Variants in CKAP5 observed in about 807,000 individuals in gnomAD.
CKAP5 encodes cytoskeleton-associated protein 5.
Under a neutral mutation model 232.8 loss-of-function variants are expected in CKAP5, and 27 were observed. The observed-to-expected ratio is 0.12, with a 90% CI of 0.09 to 0.16. CKAP5 has a LOEUF of 0.16. CKAP5 is among the 10% of genes least tolerant of loss of function. CKAP5 has a pLI of 1.00. For synonymous variants in CKAP5, 785 were observed against 841.1 expected (o/e 0.93, Z 1.16); for missense variants, 1,838 against 2,424.7 (o/e 0.76, Z 5.08).
chr11:46,832,574 T>C (rs1208561709), intron 1 of CKAP5, among the ~76,000 whole-genome samples: 3 of 152,322 alleles, frequency 2.0e-5, no homozygotes, highest in East Asian at 1.9e-4. Flanking sequence ...CATCTTCATG[T>C]TGCTCCCTAT....
At chr11:46,754,632 A>T (rs2065096727) in intron 36 of CKAP5, among the ~76,000 whole-genome samples, 2 of 152,360 alleles carry the variant, frequency 1.3e-5, no homozygotes, top group Admixed American at 1.3e-4. Flanking sequence ...GCTATGGCCT[A>T]CCATGCCTGA....
chr11:46,842,695 C>T (rs1940083713), intron 1 of CKAP5, among the ~76,000 whole-genome samples: 1 of 152,074 alleles, frequency 6.6e-6, no homozygotes, highest in South Asian at 2.1e-4. Flanking sequence ...AGGCCGGGCG[C>T]GGTGGCTCAC....
chr11:46,781,583 A>G (rs2065342314), intron 18 of CKAP5, among the ~76,000 whole-genome samples: 1 of 152,124 alleles, frequency 6.6e-6, no homozygotes, highest in African/African-American at 2.4e-5. Context: ...ACTCCTTGCT[A>G]TTTTAAATAC....
intron 1 of CKAP5, among the ~76,000 whole-genome samples, chr11:46,838,968 T>C (rs773483060): frequency 6.6e-6 from 1 of 152,166 alleles, no homozygotes; most frequent in Non-Finnish European, 1.5e-5. Flanking sequence ...TGGCCAATTT[T>C]GTTCAACAAA....
chr11:46,777,935 T>G (rs898440184), intron 22 of CKAP5, among the ~76,000 whole-genome samples: 3 of 152,308 alleles, frequency 2.0e-5, no homozygotes, highest in Admixed American at 1.3e-4. Flanking sequence ...AAAAGCAAAT[T>G]CTGAGACTCA....
intron 32 of CKAP5, among the ~76,000 whole-genome samples, chr11:46,761,428 T>C (rs2065154311): frequency 6.6e-6 from 1 of 152,140 alleles, no homozygotes; most frequent in Non-Finnish European, 1.5e-5. Context: ...TGCTTTATAT[T>C]CTTCACTGGG....
At chr11:46,772,965 C>G (rs1381195927) in intron 24 of CKAP5, among the ~76,000 whole-genome samples, 1 of 152,152 alleles carries the variant, frequency 6.6e-6, no homozygotes, top group Non-Finnish European at 1.5e-5. Context: ...TGGTCTCGAT[C>G]TCTTGACCTC....
chr11:46,813,480 A>G (rs1243282051), intron 4 of CKAP5, among the ~76,000 whole-genome samples: 2 of 152,172 alleles, frequency 1.3e-5, no homozygotes, highest in African/African-American at 4.8e-5. Context: ...TTTTGATACT[A>G]AACGTATTAC....
chr11:46,835,071 C>T (rs778177633), intron 1 of CKAP5, among the ~76,000 whole-genome samples: 9 of 151,900 alleles, frequency 5.9e-5, no homozygotes, highest in Non-Finnish European at 8.8e-5. Context: ...CAAGCTAACA[C>T]TTCTAGTTAT....
intron 42 of CKAP5, among the ~76,000 whole-genome samples, chr11:46,746,942 C>T (rs1432848010): frequency 6.6e-6 from 1 of 152,128 alleles, no homozygotes; most frequent in African/African-American, 2.4e-5. Flanking sequence ...TCAAGACCAG[C>T]TGGGGCAACA....
At position 46,778,487 on chromosome 11, in the gene CKAP5, A is replaced by G. The variant is rs2065309795; in HGVS notation, c.2546T>C (p.Val849Ala). The G allele has an allele frequency of 3.7e-6, 6 of 1,614,126 alleles. No homozygotes were observed. The highest frequency in any genetic ancestry group is 1.6e-4 in the Middle Eastern group (1 of 6,062). ...DEPDDGSNDV[V>A]DLLPRTEISD... ...GATCTCCGTCCTCGGCAAAAGATCAACGACATCATTGCTCCCGTCATCTGG... is the reference window on the plus strand; with the variant it reads ...GATCTCCGTCCTCGGCAAAAGATCAGCGACATCATTGCTCCCGTCATCTGG... The change falls in exon 21 of 44, where the codon GTT becomes GCT. Residue 849 changes from valine (V) to alanine (A), a missense_variant. By Grantham distance (64) the Val-to-Ala change is moderately conservative. Transcript: ENST00000529230.
chr11:46,804,489 A>G (rs1247086081), intron 8 of CKAP5, among the ~76,000 whole-genome samples: 1 of 152,226 alleles, frequency 6.6e-6, no homozygotes, highest in African/African-American at 2.4e-5. Context: ...CATAATCTCA[A>G]TATAATTTAA....
chr11:46,781,785 C>T (rs1402602298), intron 18 of CKAP5, among the ~76,000 whole-genome samples: 3 of 152,010 alleles, frequency 2.0e-5, no homozygotes, highest in African/African-American at 4.8e-5. Flanking sequence ...TCCATTTAAC[C>T]CTTCATCCTG....
At position 46,777,501 on chromosome 11, in the gene CKAP5, T is replaced by C. The variant is rs761078699; in HGVS notation, c.2800A>G (p.Asn934Asp). The C allele has an allele frequency of 9.9e-6, 16 of 1,613,990 alleles. No homozygotes were observed. Among genetic ancestry groups the C allele is most frequent in the Non-Finnish European group, 1.3e-5 (15 of 1,179,886 alleles). ...AAATTTTTTACATGTTGCTTAATATTTGGGCCCATGGCTACTGCCAGTTGT... is the reference window on the plus strand; with the variant it reads ...AAATTTTTTACATGTTGCTTAATATCTGGGCCCATGGCTACTGCCAGTTGT... Reference protein sequence around the residue: ...LQQLAVAMGPNIKQHVKNLGI... With the variant: ...LQQLAVAMGPDIKQHVKNLGI... The change falls in exon 23 of 44, where the codon AAT becomes GAT. Residue 934 changes from asparagine (N) to aspartate (D), a missense_variant. Asn to Asp is a conservative substitution (Grantham distance 23). Transcript: ENST00000529230.
intron 1 of CKAP5, among the ~76,000 whole-genome samples, chr11:46,831,861 CTTTTTTT>C (rs71042624): frequency 8.4e-6 from 1 of 119,056 alleles, no homozygotes; most frequent in Non-Finnish European, 1.6e-5. Flanking sequence ...TAAACTTATC[CTTTTTTT>C]TTTTTTTTTT....
At chr11:46,807,045 T>C (rs1939171658) in intron 8 of CKAP5, among the ~76,000 whole-genome samples, 1 of 152,220 alleles carries the variant, frequency 6.6e-6, no homozygotes, top group Non-Finnish European at 1.5e-5. Context: ...CAGGCTGTGA[T>C]GTACCTTAGG....
chr11:46,758,883 T>TC, intron 35 of CKAP5, 40 bp downstream of exon 35: 1 of 1,610,636 alleles, frequency 6.2e-7, no homozygotes, highest in Non-Finnish European at 8.5e-7. Flanking sequence ...AGCCTCTATG[T>TC]CCACCAATGG....
At chr11:46,757,401 G>A (rs1008747439) in intron 35 of CKAP5, among the ~76,000 whole-genome samples, 2 of 151,276 alleles carry the variant, frequency 1.3e-5, no homozygotes, top group African/African-American at 4.9e-5. Context: ...GCCGAGGCAG[G>A]AGAATTGCTT....
chr11:46,813,686 A>T (rs1332024247), intron 4 of CKAP5, among the ~76,000 whole-genome samples: 1 of 152,176 alleles, frequency 6.6e-6, no homozygotes, highest in Non-Finnish European at 1.5e-5. Context: ...ACAAATAAAG[A>T]ACCACACAGG....
Sources: gnomAD v4.1 joint callset for allele counts (sites outside exome capture counted in the v4.1 genomes callset) on GRCh38, gnomAD v4.1.1 for gene constraint, MANE v1.5 for transcripts, NCBI Gene and HGNC (gene_info 2026-07-23, HGNC 2026-07-21) for gene names.